The following CSMD1 variants were observed in gnomAD, a reference collection of about 807,000 sequenced individuals.
CSMD1 encodes the protein CUB and Sushi multiple domains 1.
Under a neutral mutation model 417.5 loss-of-function variants are expected in CSMD1, and 213 were observed. The ratio of observed to expected loss-of-function variants is 0.51; its 90% CI spans 0.46 to 0.57. The LOEUF is 0.57. Among genes scored for constraint, CSMD1 ranks in the 20% least tolerant of loss-of-function variants. CSMD1 has a pLI of 0.00. For missense variants in CSMD1, 6,923 were observed against 4,529.7 expected (o/e 1.53, Z -15.17); for synonymous variants, 2,862 against 1,736.8 (o/e 1.65, Z -16.11).
intron 1 of CSMD1, among the ~76,000 whole-genome samples, chr8:4,946,912 G>A (rs1423630882): frequency 2.0e-5 from 3 of 152,098 alleles, no homozygotes; most frequent in Non-Finnish European, 4.4e-5. Flanking sequence ...CTTTTAGAAA[G>A]ACAGAGCATA....
chr8:3,952,601 G>C (rs1259044131), intron 5 of CSMD1, among the ~76,000 whole-genome samples: 2 of 152,172 alleles, frequency 1.3e-5, no homozygotes, highest in Non-Finnish European at 2.9e-5. Context: ...GACAGGGAGA[G>C]AGGAGAATGG....
intron 52 of CSMD1, among the ~76,000 whole-genome samples, chr8:3,010,259 T>G (rs576952997): frequency 1.3e-5 from 2 of 152,322 alleles, no homozygotes; most frequent in African/African-American, 4.8e-5. Flanking sequence ...AGACTCCTAC[T>G]CTTCTACTGT....
intron 3 of CSMD1, among the ~76,000 whole-genome samples, chr8:4,359,663 G>C (rs752779984): frequency 2.0e-5 from 3 of 152,176 alleles, no homozygotes; most frequent in African/African-American, 4.8e-5. Context: ...GTGTGTGGTT[G>C]ATTCTGGGTA....
At chr8:4,707,468 C>T (rs749573480) in intron 1 of CSMD1, among the ~76,000 whole-genome samples, 5 of 152,110 alleles carry the variant, frequency 3.3e-5, no homozygotes, top group Non-Finnish European at 5.9e-5. Context: ...AACAGAAACG[C>T]CTGAATTTTT....
rs186878707 is a variant in CSMD1 at position 4,728,764 on chromosome 8, A to C, written c.86-91206T>G. Among the ~76,000 whole-genome samples the C allele has an allele frequency of 6.4e-3, 979 of 152,314 alleles. 13 individuals carry two copies. The highest frequency in any genetic ancestry group is 0.022 in the African/African-American group (913 of 41,566). ...AATATTTCTAAATGTCTGCTGAAAA[A>C]AAAAATAACCAGATGTCTGCTGCCA... On this transcript the variant is annotated intron_variant, in intron 1 of 69. Transcript: ENST00000635120.
At chr8:4,653,691 T>C (rs1032577018) in intron 1 of CSMD1, among the ~76,000 whole-genome samples, 4 of 151,996 alleles carry the variant, frequency 2.6e-5, no homozygotes, top group Non-Finnish European at 5.9e-5. Flanking sequence ...AGGCTGAAAA[T>C]AAGCATAACA....
intron 12 of CSMD1, among the ~76,000 whole-genome samples, chr8:3,411,190 G>A (rs561064927): frequency 6.6e-6 from 1 of 152,290 alleles, no homozygotes; most frequent in African/African-American, 2.4e-5. Context: ...AAGAGCAGAG[G>A]CAGGTGAAAA....
chr8:3,478,349 A>G (rs1817545096), intron 11 of CSMD1, among the ~76,000 whole-genome samples: 1 of 152,240 alleles, frequency 6.6e-6, no homozygotes, highest in African/African-American at 2.4e-5. Flanking sequence ...ACGTGATGCT[A>G]CTTTACAGAT....
At chr8:4,904,491 C>T (rs566688954) in intron 1 of CSMD1, among the ~76,000 whole-genome samples, 61 of 152,210 alleles carry the variant, frequency 4.0e-4, no homozygotes, top group East Asian at 3.9e-4. Context: ...AGGGCTCAAT[C>T]GTCCTGACTC....
chr8:3,887,908 A>G (rs4875791), intron 5 of CSMD1, among the ~76,000 whole-genome samples: 80,650 of 152,078 alleles, frequency 0.53, 24,248 homozygotes, highest in Admixed American at 0.67. Flanking sequence ...AACTCAGTTG[A>G]CATCAATTAC....
chr8:3,549,253 A>G (rs1464316640), intron 10 of CSMD1, among the ~76,000 whole-genome samples: 1 of 152,246 alleles, frequency 6.6e-6, no homozygotes, highest in Non-Finnish European at 1.5e-5. Flanking sequence ...TGTGGAGACC[A>G]CAAAGGCGAA....
chr8:4,273,296 A>G (rs1046887910), intron 3 of CSMD1, among the ~76,000 whole-genome samples: 1 of 152,176 alleles, frequency 6.6e-6, no homozygotes, highest in African/African-American at 2.4e-5. Flanking sequence ...GTATATGTAT[A>G]TAATTTTTCC....
chr8:4,162,893 A>T (rs1459277821), intron 3 of CSMD1, among the ~76,000 whole-genome samples: 1 of 152,010 alleles, frequency 6.6e-6, no homozygotes, highest in Non-Finnish European at 1.5e-5. Flanking sequence ...TTCCCTGTTG[A>T]TTTCCCCTTC....
chr8:3,403,151 G>T (rs1179998946), intron 15 of CSMD1, among the ~76,000 whole-genome samples: 1 of 152,092 alleles, frequency 6.6e-6, no homozygotes, highest in Non-Finnish European at 1.5e-5. Flanking sequence ...ATTTGTTAAG[G>T]TTCACTTTGT....
At chr8:3,409,672 T>G in intron 12 of CSMD1, 67 bp from the exon 13 acceptor site, 1 of 1,287,604 alleles carries the variant, frequency 7.8e-7, no homozygotes, top group Non-Finnish European at 1.0e-6. Flanking sequence ...TCTCTACAAC[T>G]TAGAAAGTAA....
chr8:2,941,327 G>A (rs968691590), intron 69 of CSMD1, among the ~76,000 whole-genome samples: 16 of 152,102 alleles, frequency 1.1e-4, no homozygotes, highest in Non-Finnish European at 2.9e-5. Flanking sequence ...TATTTCATGA[G>A]TTTTGAAAAA....
intron 3 of CSMD1, among the ~76,000 whole-genome samples, chr8:4,398,884 CAAT>C (rs1274091795): frequency 6.6e-6 from 1 of 152,058 alleles, no homozygotes; most frequent in Non-Finnish European, 1.5e-5. Context: ...CTGACATTCT[CAAT>C]AAAAAATAAA....
chr8:3,140,969 C>T (rs1311760937), intron 41 of CSMD1, among the ~76,000 whole-genome samples: 1 of 152,170 alleles, frequency 6.6e-6, no homozygotes, highest in Admixed American at 6.5e-5. Flanking sequence ...ATGAACAATG[C>T]AGGTACCCAT....
At chr8:3,003,472 G>A (rs1346496623) in intron 52 of CSMD1, among the ~76,000 whole-genome samples, 2 of 152,156 alleles carry the variant, frequency 1.3e-5, no homozygotes, top group African/African-American at 4.8e-5. Flanking sequence ...CACACACTGA[G>A]TACTTGTTGA....
Sources: allele counts gnomAD v4.1 joint callset (sites outside exome capture counted in the v4.1 genomes callset), GRCh38; gene constraint gnomAD v4.1.1; transcripts MANE v1.5; gene names NCBI Gene and HGNC (gene_info 2026-07-23, HGNC 2026-07-21).